Variants in EPHA3 observed in about 807,000 individuals in gnomAD.
EPHA3 encodes the protein EPH receptor A3, also known as ephrin type-A receptor 3.
EPHA3 carries 42 observed loss-of-function variants against 107.1 expected under a neutral mutation model. The ratio of observed to expected loss-of-function variants is 0.39; its 90% CI spans 0.31 to 0.51. EPHA3 has a LOEUF of 0.51. EPHA3 is among the 20% of genes least tolerant of loss of function. The probability of loss-of-function intolerance (pLI) is 0.78; values close to 1 mark genes in which losing one functional copy is unlikely to be tolerated. For synonymous variants in EPHA3, 461 were observed against 424.8 expected (o/e 1.09, Z -1.05); for missense variants, 1,183 against 1,211.2 (o/e 0.98, Z 0.35).
At position 89,136,330 on chromosome 3, in the gene EPHA3, C is replaced by CTTTTTTTTTTTTTTTTTTTTTTTTTT. The variant is rs67054298; in HGVS notation, c.153+9081_153+9082insTTTTTTTTTTTTTTTTTTTTTTTTTT. Among the ~76,000 whole-genome samples, 13 of 23,370 alleles carry CTTTTTTTTTTTTTTTTTTTTTTTTTT rather than the reference C, an allele frequency of 5.6e-4. 4 individuals carry two copies. Among genetic ancestry groups the CTTTTTTTTTTTTTTTTTTTTTTTTTT allele is most frequent in the Non-Finnish European group, 8.6e-4 (11 of 12,826 alleles). 15.3% of individuals were successfully genotyped at this position (23,370 alleles called of 152,430 possible). A position where few individuals can be genotyped will look rare whatever the true frequency, so the allele number is the denominator to read the frequency against. On this transcript the variant is annotated intron_variant, in intron 2 of 16. Transcript: ENST00000336596. ...GAAAAACATGGCAAAATCTTACAGG[C>CTTTTTTTTTTTTTTTTTTTTTTTTTT]TTTTTTTTTTTTTTTTTTTTTTTTG...
chr3:89,350,787 G>T (rs1213908660), intron 5 of EPHA3, among the ~76,000 whole-genome samples: 1 of 151,016 alleles, frequency 6.6e-6, no homozygotes, highest in East Asian at 1.9e-4. Context: ...ATGTACAGAT[G>T]GGTTTTTGGT....
chr3:89,423,620 ATGTC>A lies in EPHA3; in HGVS notation c.2074+4236_2074+4239del, dbSNP rs528762696. Among the ~76,000 whole-genome samples the A allele has an allele frequency of 1.5e-4, 23 of 151,504 alleles. No individual in the cohort carries two copies. In the East Asian group the frequency reaches 4.5e-3, roughly 29 times the overall value. ...CAAATTGTTAAAATGAGTTCAGAACATGTCTGTCTAAGTAACCACATCAACAAAA... is the reference window on the plus strand; with the variant it reads ...CAAATTGTTAAAATGAGTTCAGAACATGTCTAAGTAACCACATCAACAAAA... On this transcript the variant is annotated intron_variant, in intron 11 of 16. Coordinates refer to ENST00000336596, the MANE Select transcript of EPHA3 (RefSeq NM_005233.6).
At chr3:89,283,113 A>T (rs1705988134) in intron 3 of EPHA3, among the ~76,000 whole-genome samples, 1 of 152,170 alleles carries the variant, frequency 6.6e-6, no homozygotes, top group Non-Finnish European at 1.5e-5. Flanking sequence ...GTTTGCTTTT[A>T]GGTGCAGTAA....
At chr3:89,299,872 G>A (rs1454472726) in intron 3 of EPHA3, among the ~76,000 whole-genome samples, 1 of 152,020 alleles carries the variant, frequency 6.6e-6, no homozygotes, top group Non-Finnish European at 1.5e-5. Flanking sequence ...ATAGCCGTAA[G>A]TAACGACTAC....
In EPHA3 at chr3:89,476,198, T is replaced by C. The variant is rs1466201307; in HGVS notation, c.2847-3199T>C. 8.1e-5 allele frequency among the ~76,000 whole-genome samples: 12 copies of C among 147,644 alleles called. 1 individual carries two copies. The East Asian group carries it at 1.9e-3, about 24-fold the overall frequency. On this transcript the variant is annotated intron_variant, in intron 16 of 16. Coordinates refer to ENST00000336596, the MANE Select transcript of EPHA3 (RefSeq NM_005233.6). ...TAACATATATAAACATGTATATATATATAAACATGTATATATATAAGCATA... is the reference window on the plus strand; with the variant it reads ...TAACATATATAAACATGTATATATACATAAACATGTATATATATAAGCATA...
intron 3 of EPHA3, among the ~76,000 whole-genome samples, chr3:89,214,277 A>T (rs1704174291): frequency 6.6e-6 from 1 of 151,980 alleles, no homozygotes; most frequent in Non-Finnish European, 1.5e-5. Context: ...CACAAAAGGG[A>T]TGGGCTTCAA....
chr3:89,264,823 T>A (rs1438383788), intron 3 of EPHA3, among the ~76,000 whole-genome samples: 1 of 152,124 alleles, frequency 6.6e-6, no homozygotes, highest in Non-Finnish European at 1.5e-5. Context: ...GTTAAAATAA[T>A]GTCATGGGCA....
At chr3:89,431,542 A>G (rs1297844496) in intron 13 of EPHA3, among the ~76,000 whole-genome samples, 183 bp downstream of exon 13, 1 of 152,140 alleles carries the variant, frequency 6.6e-6, no homozygotes, top group Non-Finnish European at 1.5e-5. Context: ...ACTGTTTAAC[A>G]TTTAATGATT....
chr3:89,166,925 G>A (rs1407027377), intron 2 of EPHA3, among the ~76,000 whole-genome samples: 1 of 152,048 alleles, frequency 6.6e-6, no homozygotes, highest in African/African-American at 2.4e-5. Context: ...GGGTTGAGTG[G>A]GGTCTTTATC....
At chr3:89,145,352 T>G (rs892913833) in intron 2 of EPHA3, among the ~76,000 whole-genome samples, 2 of 151,672 alleles carry the variant, frequency 1.3e-5, no homozygotes, top group African/African-American at 4.8e-5. Context: ...ACAAAAATAT[T>G]TAAAATAATA....
intron 2 of EPHA3, among the ~76,000 whole-genome samples, chr3:89,191,122 T>C (rs1347519065): frequency 6.6e-6 from 1 of 152,074 alleles, no homozygotes; most frequent in African/African-American, 2.4e-5. Context: ...GGGTGACGCC[T>C]GCCAGATATT....
intron 3 of EPHA3, among the ~76,000 whole-genome samples, chr3:89,237,447 G>A (rs1704792931): frequency 6.6e-6 from 1 of 152,200 alleles, no homozygotes; most frequent in South Asian, 2.1e-4. Context: ...TATGATTAAT[G>A]TAGTTCTGTG....
intron 5 of EPHA3, among the ~76,000 whole-genome samples, chr3:89,360,868 G>A (rs1708077757): frequency 6.6e-6 from 1 of 150,922 alleles, no homozygotes; most frequent in East Asian, 1.9e-4. Context: ...CACTTCTCAT[G>A]TATTATTTCC....
chr3:89,240,646 A>G (rs1704873377), intron 3 of EPHA3, among the ~76,000 whole-genome samples: 1 of 151,992 alleles, frequency 6.6e-6, no homozygotes, highest in African/African-American at 2.4e-5. Context: ...TGAGATTTTT[A>G]ATAAAAATTC....
chr3:89,182,821 T>TA (rs1419400528), intron 2 of EPHA3, among the ~76,000 whole-genome samples: 2 of 151,636 alleles, frequency 1.3e-5, no homozygotes, highest in African/African-American at 2.4e-5. Context: ...AAGAGAACAT[T>TA]AAAAAAAATC....
intron 3 of EPHA3, among the ~76,000 whole-genome samples, chr3:89,253,760 A>C (rs1283970644): frequency 6.6e-6 from 1 of 152,122 alleles, no homozygotes; most frequent in Non-Finnish European, 1.5e-5. Context: ...AAAATTAAGA[A>C]AAAAATCTGA....
chr3:89,340,175 A>G (rs1169501936), intron 3 of EPHA3, among the ~76,000 whole-genome samples: 6 of 152,234 alleles, frequency 3.9e-5, no homozygotes, highest in Non-Finnish European at 5.9e-5. Flanking sequence ...ATAGGCTTAC[A>G]AAAACCATTT....
At chr3:89,152,506 T>C (rs1171063052) in intron 2 of EPHA3, among the ~76,000 whole-genome samples, 1 of 152,072 alleles carries the variant, frequency 6.6e-6, no homozygotes, top group Non-Finnish European at 1.5e-5. Context: ...AAAACGTTCA[T>C]ACTGTTAAAC....
At chr3:89,107,862 AG>A (rs1559734192) in intron 1 of EPHA3, 26 bp downstream of exon 1, 2 of 1,607,774 alleles carry the variant, frequency 1.2e-6, no homozygotes, top group Non-Finnish European at 1.7e-6. Flanking sequence ...CGACGCACGG[AG>A]CTCTGCCCCG....
Sources: gnomAD v4.1 joint callset for allele counts (sites outside exome capture counted in the v4.1 genomes callset) on GRCh38, gnomAD v4.1.1 for gene constraint, MANE v1.5 for transcripts, NCBI Gene and HGNC (gene_info 2026-07-23, HGNC 2026-07-21) for gene names.